Variants in CPNE3 observed in about 807,000 individuals in gnomAD.
The protein encoded by CPNE3 is copine 3, also known as copine-3.
In CPNE3, 68 loss-of-function variants were observed where a neutral mutation model predicts 63.9. The observed-to-expected ratio is 1.06, with a 90% CI of 0.87 to 1.30. The LOEUF (loss-of-function observed/expected upper bound fraction) is 1.30. Ranked by LOEUF, CPNE3 falls within the 50% of genes most tolerant of loss-of-function variation. The pLI is 0.00. For missense variants in CPNE3, 665 were observed against 578.1 expected (o/e 1.15, Z -1.54); for synonymous variants, 219 against 197.5 (o/e 1.11, Z -0.91).
chr8:86,551,349 C>A, intron 14 of CPNE3, 115 bp downstream of exon 14: 1 of 742,262 alleles, frequency 1.3e-6, no homozygotes, highest in Non-Finnish European at 2.2e-6. Context: ...AATTTCATCT[C>A]TAGGTTTCAT....
In CPNE3 at chr8:86,528,531, C is replaced by G; in HGVS notation, c.-10-5C>G. 1.2e-6 allele frequency: 2 copies of G among 1,611,754 alleles called. No homozygotes were observed. Among genetic ancestry groups the G allele is most frequent in the Non-Finnish European group, 1.7e-6 (2 of 1,179,488 alleles). ...CTTGCTTTCTCTTTTTATTGGTTTT[C>G]TCAGAACTCAAGACATGGCTGCCCA... is the stretch of plus-strand genomic sequence containing the variant. On this transcript the variant is annotated splice_region_variant and splice_polypyrimidine_tract_variant and intron_variant, in intron 2 of 16. Transcript: ENST00000517490.
rs1292133671 is a variant in CPNE3 at position 86,550,883 on chromosome 8, T to C, written c.1014-163T>C. On this transcript the variant is annotated intron_variant, in intron 12 of 16. Transcript: ENST00000517490. ...CACAGAAAAATATTTAGGATGAGAG[T>C]TGTCAAATATTAACATTGATTCTCT... 3 of 643,582 alleles carry C rather than the reference T, an allele frequency of 4.7e-6. No individual in the cohort carries two copies. In the African/African-American group the frequency reaches 5.5e-5, roughly 12 times the overall value. The allele number at this position is 643,582 out of a possible 1,614,324, so 39.9% of individuals were successfully genotyped here. A position where few individuals can be genotyped will look rare whatever the true frequency, so the allele number is the denominator to read the frequency against.
rs1024596694 is a variant in CPNE3 at position 86,561,262 on chromosome 8, C to T, written c.*2852C>T. 3.3e-5 allele frequency: 5 copies of T among 152,250 alleles called. No individual in the cohort carries two copies. Among genetic ancestry groups the T allele is most frequent in the South Asian group, 2.1e-4 (1 of 4,830 alleles). The allele number at this position is 152,250 out of a possible 1,614,324, so 9.4% of individuals were successfully genotyped here. A position where few individuals can be genotyped will look rare whatever the true frequency, so the allele number is the denominator to read the frequency against. On this transcript the variant is annotated 3_prime_UTR_variant, in exon 17 of 17. Transcript: ENST00000517490. ...AGTCATGGAAATGACACATAAAGTA[C>T]GCCAGAAGTTTGATGGAACGTGTTA...
intron 6 of CPNE3, 81 bp from the exon 7 acceptor site, chr8:86,537,482 A>G (rs1586838500): frequency 1.2e-6 from 1 of 845,704 alleles, no homozygotes; most frequent in South Asian, 1.3e-5. Context: ...GGTGGTTGCC[A>G]ACATGTGTAA....
Position 86,532,966 on chromosome 8 carries a change from A to T in CPNE3, c.459+386A>T, listed in dbSNP as rs576249355. The stretch of plus-strand genomic sequence containing the variant: ...TTTTTTATGAAGGATGAGTGCCAAT[A>T]CATAATAACACAACAATTTAGTATA... On this transcript the variant is annotated intron_variant, in intron 6 of 16. Transcript: ENST00000517490. 2.6e-5 allele frequency among the ~76,000 whole-genome samples: 4 copies of T among 152,336 alleles called. No homozygotes were observed. The East Asian group carries it at 7.7e-4, about 29-fold the overall frequency.
intron 9 of CPNE3, 71 bp from the exon 10 acceptor site, chr8:86,546,524 T>C (rs898068807): frequency 2.0e-6 from 3 of 1,500,838 alleles, no homozygotes; most frequent in African/African-American, 2.8e-5. Flanking sequence ...AAAAAGTCAT[T>C]CATTTAAAGT....
At chr8:86,524,321 C>G (rs940894885) in intron 2 of CPNE3, among the ~76,000 whole-genome samples, 1 of 152,120 alleles carries the variant, frequency 6.6e-6, no homozygotes, top group Admixed American at 6.5e-5. Context: ...ATATCAGGTA[C>G]CACTTTAAAT....
intron 2 of CPNE3, among the ~76,000 whole-genome samples, chr8:86,516,120 G>A (rs1176664764): frequency 6.6e-6 from 1 of 152,144 alleles, no homozygotes. Flanking sequence ...CAAACTCTGG[G>A]ACTGGATCAT....
At chr8:86,554,703 A>C in intron 14 of CPNE3, 148 bp from the exon 15 acceptor site, 1 of 877,230 alleles carries the variant, frequency 1.1e-6, no homozygotes, top group Non-Finnish European at 1.7e-6. Flanking sequence ...TATGTAATAC[A>C]TAGCTTAGAG....
chr8:86,546,540 T>C, intron 9 of CPNE3, 55 bp from the exon 10 acceptor site: 1 of 1,561,160 alleles, frequency 6.4e-7, no homozygotes. Flanking sequence ...AAAGTCACAT[T>C]GGCATTTCTA....
rs779512312 is a variant in CPNE3 at position 86,554,884 on chromosome 8, G to C, written c.1154G>C (p.Cys385Ser). 8.1e-6 allele frequency: 13 copies of C among 1,614,014 alleles called. No individual in the cohort carries two copies. The highest frequency in any genetic ancestry group is 1.1e-5 in the Non-Finnish European group (13 of 1,180,030). ...IQGIVEAYRS[C>S]LPQIKLYGPT... ...GGCATTGTAGAGGCGTATCGGTCTTGTCTTCCTCAGATAAAACTCTATGGA... is the reference window on the plus strand; with the variant it reads ...GGCATTGTAGAGGCGTATCGGTCTTCTCTTCCTCAGATAAAACTCTATGGA... Residue 385 changes from cysteine (C) to serine (S), a missense_variant, in exon 15 of 17, where the codon TGT (cysteine) becomes TCT (serine). Coordinates refer to ENST00000517490, the MANE Select transcript of CPNE3 (RefSeq NM_003909.5).
At chr8:86,524,322 C>T (rs777970906) in intron 2 of CPNE3, among the ~76,000 whole-genome samples, 1 of 152,122 alleles carries the variant, frequency 6.6e-6, no homozygotes, top group Non-Finnish European at 1.5e-5. Flanking sequence ...TATCAGGTAC[C>T]ACTTTAAATA....
chr8:86,528,737 G>A, intron 3 of CPNE3, 60 bp downstream of exon 3: 1 of 1,531,198 alleles, frequency 6.5e-7, no homozygotes, highest in Non-Finnish European at 8.8e-7. Flanking sequence ...AATGTGAAGA[G>A]TTTTTTTAAT....
intron 14 of CPNE3, among the ~76,000 whole-genome samples, chr8:86,552,969 CCCCCCCCCCG>C (rs1821222695): frequency 5.7e-5 from 1 of 17,416 alleles, no homozygotes; most frequent in African/African-American, 1.1e-4. Context: ...CCCGCCCCCC[CCCCCCCCCCG>C]CCCACAACCG....
At chr8:86,538,783 C>T (rs1450468852) in intron 7 of CPNE3, among the ~76,000 whole-genome samples, 2 of 152,150 alleles carry the variant, frequency 1.3e-5, no homozygotes, top group East Asian at 3.9e-4. Context: ...TCAGGAGGCT[C>T]ATGGTGCCAG....
chr8:86,550,721 G>A lies in CPNE3; in HGVS notation c.1014-325G>A, dbSNP rs143358909. Among the ~76,000 whole-genome samples, 47 of 152,134 alleles carry A rather than the reference G, an allele frequency of 3.1e-4. 1 individual carries two copies. Among genetic ancestry groups the A allele is most frequent in the African/African-American group, 1.1e-3 (44 of 41,502 alleles). On this transcript the variant is annotated intron_variant, in intron 12 of 16. Transcript: ENST00000517490. Reference sequence around the variant, plus strand: ...GTAAAAAAAGAATTGTGATTTTCAGGGCTTCATGTATTTATTTACTCATTT... The same window carrying A: ...GTAAAAAAAGAATTGTGATTTTCAGAGCTTCATGTATTTATTTACTCATTT...
intron 9 of CPNE3, 109 bp downstream of exon 9, chr8:86,544,947 A>C: frequency 2.0e-6 from 1 of 507,560 alleles, no homozygotes; most frequent in Non-Finnish European, 3.4e-6. Flanking sequence ...CTTTTAGTCT[A>C]TATTGCATAA....
At chr8:86,520,784 A>G (rs1006533382) in intron 2 of CPNE3, among the ~76,000 whole-genome samples, 3 of 149,938 alleles carry the variant, frequency 2.0e-5, no homozygotes, top group African/African-American at 4.9e-5. Flanking sequence ...TCAGCCTTCC[A>G]GGTAGCTGGG....
chr8:86,555,029 G>A, intron 15 of CPNE3, 45 bp downstream of exon 15: 3 of 1,609,844 alleles, frequency 1.9e-6, no homozygotes, highest in Non-Finnish European at 1.7e-6. Flanking sequence ...TGGATTGGTA[G>A]CAGCTCCTGG....
Sources: gnomAD v4.1 joint callset for allele counts (sites outside exome capture counted in the v4.1 genomes callset) on GRCh38, gnomAD v4.1.1 for gene constraint, MANE v1.5 for transcripts, NCBI Gene and HGNC (gene_info 2026-07-23, HGNC 2026-07-21) for gene names.